The following SLC41A3 variants were observed in gnomAD, a reference collection of about 807,000 sequenced individuals.
The protein encoded by SLC41A3 is SLC41A1-like 2.
Under a neutral mutation model 45.4 loss-of-function variants are expected in SLC41A3, and 44 were observed. The observed-to-expected ratio is 0.97, with a 90% CI of 0.76 to 1.25. The LOEUF (loss-of-function observed/expected upper bound fraction) is 1.25. SLC41A3 is among the 50% of genes most tolerant of loss of function. The probability of loss-of-function intolerance (pLI) is 0.00; values close to 1 mark genes in which losing one functional copy is unlikely to be tolerated. For synonymous variants in SLC41A3, 256 were observed against 252.4 expected (o/e 1.01, Z -0.13); for missense variants, 550 against 600.6 (o/e 0.92, Z 0.88).
At position 126,006,522 on chromosome 3, in the gene SLC41A3, C is replaced by T. The variant is rs1288659635; in HGVS notation, c.*494G>A. ...GAGGCCCCATCCTGGGGAGGCTGTA[C>T]ACCTTCTTGGCACAGCAGCAGTGTG... On this transcript the variant is annotated 3_prime_UTR_variant, in exon 11 of 11. Coordinates refer to ENST00000360370, the MANE Select transcript of SLC41A3 (RefSeq NM_017836.4). The T allele has an allele frequency of 2.5e-6, 4 of 1,613,270 alleles. No individual in the cohort carries two copies. The highest frequency in any genetic ancestry group is 3.3e-5 in the Admixed American group (2 of 59,760).
At chr3:126,074,595 T>C (rs1944786505) in intron 1 of SLC41A3, among the ~76,000 whole-genome samples, 1 of 152,128 alleles carries the variant, frequency 6.6e-6, no homozygotes, top group Non-Finnish European at 1.5e-5. Context: ...TTCAGCAAGG[T>C]GTAGGACTGG....
At chr3:126,070,368 C>G (rs540182138) in intron 1 of SLC41A3, 1 of 152,378 alleles carries the variant, frequency 6.6e-6, no homozygotes, top group South Asian at 2.1e-4. Context: ...GTGAACTGCG[C>G]ACGCAGGGGA....
intron 2 of SLC41A3, among the ~76,000 whole-genome samples, chr3:126,060,988 A>T (rs1944035334): frequency 6.6e-6 from 1 of 152,084 alleles, no homozygotes. Context: ...AGGACCACTG[A>T]TCTCTGCCCA....
In SLC41A3 at chr3:126,016,855, G is replaced by T. The variant is rs200514725; in HGVS notation, c.766C>A (p.Leu256Met). 60 of 1,612,878 alleles carry T rather than the reference G, an allele frequency of 3.7e-5. No individual in the cohort carries two copies. The East Asian group carries it at 1.2e-3, about 34-fold the overall frequency. Residue 256 changes from leucine (L) to methionine (M), a missense_variant, in exon 7 of 11, where the codon CTG (leucine) becomes ATG (methionine). Leu to Met is a conservative substitution (Grantham distance 15, BLOSUM62 2). Transcript: ENST00000360370. ...RHKDSRYLTP[L>M]VCLSFAALTP... ...AGAGCCGCAAAGCTGAGGCAGACCA[G>T]CGGCGTCAGATACCGACTATCTGAA...
At chr3:126,100,894 C>A (rs2004338) in intron 1 of SLC41A3, among the ~76,000 whole-genome samples, 53,647 of 152,124 alleles carry the variant, frequency 0.35, 9,628 homozygotes, top group African/African-American at 0.38. Context: ...TTCACTCATG[C>A]ATATTTTTGT....
intron 9 of SLC41A3, among the ~76,000 whole-genome samples, 163 bp from the exon 10 acceptor site, chr3:126,009,043 C>A (rs982679249): frequency 6.6e-6 from 1 of 152,222 alleles, no homozygotes; most frequent in Admixed American, 6.5e-5. Context: ...GGGATACAGT[C>A]TTTCCCCTTC....
chr3:126,022,786 C>G lies in SLC41A3; in HGVS notation c.745G>C (p.Asp249His). Residue 249 changes from aspartate (D) to histidine (H), a missense_variant and splice_region_variant, in exon 6 of 11, where the codon GAT becomes CAT. By Grantham distance (81) the Asp-to-His change is moderately conservative. Coordinates refer to ENST00000360370, the MANE Select transcript of SLC41A3 (RefSeq NM_017836.4). ...LVSSFFYRHK[D>H]SRYLTPLVCL... ...GTCTATAGAAGAAGACACTCTTTACCTTTGTGTCTGTAGAAGAAGCTGCTA... is the reference window on the plus strand; with the variant it reads ...GTCTATAGAAGAAGACACTCTTTACGTTTGTGTCTGTAGAAGAAGCTGCTA... The G allele has an allele frequency of 1.2e-6, 2 of 1,614,172 alleles. No individual in the cohort carries two copies. The highest frequency in any genetic ancestry group is 1.7e-6 in the Non-Finnish European group (2 of 1,180,028).
chr3:126,009,818 T>C (rs1167370974), intron 9 of SLC41A3, among the ~76,000 whole-genome samples: 1 of 152,200 alleles, frequency 6.6e-6, no homozygotes, highest in Non-Finnish European at 1.5e-5. Context: ...AGAAAATCTA[T>C]AGGAAAACCA....
chr3:126,055,467 T>C (rs1425826528), intron 2 of SLC41A3, among the ~76,000 whole-genome samples: 4 of 152,094 alleles, frequency 2.6e-5, no homozygotes, highest in African/African-American at 9.7e-5. Flanking sequence ...TGAGCCGAGA[T>C]CACGCCATTG....
At chr3:126,099,206 C>T (rs1945662626) in intron 1 of SLC41A3, among the ~76,000 whole-genome samples, 1 of 152,150 alleles carries the variant, frequency 6.6e-6, no homozygotes, top group Non-Finnish European at 1.5e-5. Context: ...ATCTCAGGTT[C>T]TGAGCTCCTG....
intron 9 of SLC41A3, among the ~76,000 whole-genome samples, chr3:126,009,291 C>CT (rs1308407736): frequency 2.0e-5 from 3 of 152,088 alleles, no homozygotes; most frequent in Non-Finnish European, 4.4e-5. Flanking sequence ...ATACAAGGGG[C>CT]TTAAGGAGGA....
intron 2 of SLC41A3, among the ~76,000 whole-genome samples, chr3:126,054,612 G>C (rs79457193): frequency 0.027 from 4,128 of 151,656 alleles, 170 homozygotes; most frequent in African/African-American, 0.091. Flanking sequence ...AAATCCCTCT[G>C]CTTGGAATGT....
chr3:126,038,736 C>A (rs973290943), intron 3 of SLC41A3, among the ~76,000 whole-genome samples: 1 of 152,138 alleles, frequency 6.6e-6, no homozygotes, highest in Non-Finnish European at 1.5e-5. Flanking sequence ...TTGGGGACTA[C>A]TGGAAAGGGA....
At chr3:126,095,475 C>A in intron 1 of SLC41A3, 2 of 447,602 alleles carry the variant, frequency 4.5e-6, no homozygotes, top group Non-Finnish European at 4.0e-6. Context: ...TGATGATCAC[C>A]ATTGCCGTGA....
intron 3 of SLC41A3, among the ~76,000 whole-genome samples, chr3:126,039,060 A>T (rs1275215145): frequency 1.3e-5 from 2 of 152,110 alleles, no homozygotes; most frequent in Non-Finnish European, 2.9e-5. Context: ...TTCCACAATA[A>T]TTGGAAGCTT....
chr3:126,025,922 G>A, intron 5 of SLC41A3: 1 of 163,696 alleles, frequency 6.1e-6, no homozygotes, highest in Non-Finnish European at 1.3e-5. Flanking sequence ...CAGGACACCT[G>A]CAGCCTCCAG....
chr3:126,019,041 C>T (rs1314283029), intron 6 of SLC41A3, among the ~76,000 whole-genome samples: 1 of 152,160 alleles, frequency 6.6e-6, no homozygotes, highest in Non-Finnish European at 1.5e-5. Flanking sequence ...TGGGTAATTC[C>T]TAAAGAAAAC....
chr3:126,022,982 A>G (rs779511770), intron 5 of SLC41A3, 50 bp from the exon 6 acceptor site: 1 of 1,609,914 alleles, frequency 6.2e-7, no homozygotes, highest in Admixed American at 1.7e-5. Context: ...AGGGAGCCAG[A>G]TGGCTCTGAG....
chr3:126,072,362 T>TAAAAA (rs3053149), intron 1 of SLC41A3, among the ~76,000 whole-genome samples: 1 of 104,690 alleles, frequency 9.6e-6, no homozygotes. Flanking sequence ...AAGAGAATTG[T>TAAAAA]AAAAAAAAAT....
Sources: allele counts gnomAD v4.1 joint callset (sites outside exome capture counted in the v4.1 genomes callset), GRCh38; gene constraint gnomAD v4.1.1; transcripts MANE v1.5; gene names NCBI Gene and HGNC (gene_info 2026-07-23, HGNC 2026-07-21).